CD38: variants seen among roughly 807,000 people sequenced by gnomAD.
CD38 encodes the protein ADP-ribosyl cyclase/cyclic ADP-ribose hydrolase 1.
CD38 carries 31 observed loss-of-function variants against 36.3 expected under a neutral mutation model. The observed-to-expected ratio is 0.85, with a 90% CI of 0.64 to 1.15. The LOEUF is 1.15. CD38 is among the 50% of genes most tolerant of loss of function. CD38 has a pLI of 0.00. For synonymous variants in CD38, 131 were observed against 135.2 expected (o/e 0.97, Z 0.22); for missense variants, 380 against 371.9 (o/e 1.02, Z -0.18).
At chr4:15,840,179 C>T in intron 6 of CD38, 61 bp downstream of exon 6, 1 of 1,195,108 alleles carries the variant, frequency 8.4e-7, no homozygotes, top group Non-Finnish European at 1.3e-6. Context: ...AAAGAATCCA[C>T]AGTCACAAGC....
chr4:15,826,485 A>G (rs1023716953), intron 3 of CD38, among the ~76,000 whole-genome samples: 1 of 152,012 alleles, frequency 6.6e-6, no homozygotes, highest in African/African-American at 2.4e-5. Flanking sequence ...ACACACACAC[A>G]CACACACACA....
intron 1 of CD38, among the ~76,000 whole-genome samples, chr4:15,779,452 C>A (rs1329536054): frequency 1.3e-5 from 2 of 152,190 alleles, no homozygotes; most frequent in African/African-American, 4.8e-5. Flanking sequence ...TCCCAGGCCT[C>A]GCTTTCACCG....
chr4:15,833,433 A>G (rs936975752), intron 3 of CD38, among the ~76,000 whole-genome samples: 7 of 152,208 alleles, frequency 4.6e-5, no homozygotes, highest in African/African-American at 1.7e-4. Context: ...CCATTCCACC[A>G]TCAACATTTT....
chr4:15,823,883 C>T (rs1229102396), intron 2 of CD38, among the ~76,000 whole-genome samples: 1 of 152,040 alleles, frequency 6.6e-6, no homozygotes, highest in Non-Finnish European at 1.5e-5. Flanking sequence ...TTCACAATAG[C>T]AAAGACATGG....
intron 7 of CD38, among the ~76,000 whole-genome samples, chr4:15,841,056 T>C (rs945538719): frequency 4.6e-5 from 7 of 152,174 alleles, no homozygotes. Context: ...AAAAAGTATT[T>C]ACAAAATTTT....
intron 1 of CD38, among the ~76,000 whole-genome samples, chr4:15,786,921 G>T (rs987083076): frequency 6.6e-6 from 1 of 152,246 alleles, no homozygotes; most frequent in Admixed American, 6.5e-5. Context: ...GGAGCGCAGC[G>T]CCAGTGGGCC....
rs76452411 is a variant in CD38 at position 15,832,299 on chromosome 4, T to C, written c.500-1918T>C. 2.4e-3 allele frequency among the ~76,000 whole-genome samples: 360 copies of C among 152,344 alleles called. 7 individuals are homozygous for C. The highest frequency in any genetic ancestry group is 7.4e-3 in the African/African-American group (307 of 41,582). On this transcript the variant is annotated intron_variant, in intron 3 of 7. Transcript: ENST00000226279. The stretch of plus-strand genomic sequence containing the variant: ...TTATTTAATTCATTTGGTGAGGTCA[T>C]GTATTCCTGGATGGTCTTGATACTT...
chr4:15,809,413 G>A (rs761324498), intron 1 of CD38, among the ~76,000 whole-genome samples: 5 of 152,160 alleles, frequency 3.3e-5, no homozygotes, highest in African/African-American at 4.8e-5. Context: ...TCTCATTTGC[G>A]AAATGAAGGG....
In CD38 at chr4:15,820,194, G is replaced by T. The variant is rs926627391; in HGVS notation, c.363+3554G>T. Among the ~76,000 whole-genome samples the T allele has an allele frequency of 5.3e-5, 8 of 152,172 alleles. No homozygotes were observed. The East Asian group carries it at 1.5e-3, about 29-fold the overall frequency. ...TGCCTTGCAAGAGCTCCTGAAGGAA[G>T]CACTAAATATGGAAAGGAAAAACCA... On this transcript the variant is annotated intron_variant, in intron 2 of 7. Transcript: ENST00000226279.
chr4:15,841,648 C>A (rs1384600547), intron 7 of CD38, among the ~76,000 whole-genome samples: 1 of 150,468 alleles, frequency 6.6e-6, no homozygotes, highest in Non-Finnish European at 1.5e-5. Context: ...ATCTGAGGTA[C>A]CGGGTTCATC....
chr4:15,810,594 A>T (rs1723446955), intron 1 of CD38, among the ~76,000 whole-genome samples: 1 of 152,230 alleles, frequency 6.6e-6, no homozygotes, highest in Admixed American at 6.5e-5. Flanking sequence ...TTTCATTGAC[A>T]TTGAAGTACA....
In CD38 at chr4:15,807,553, G is replaced by C. The variant is rs576262703; in HGVS notation, c.234-8958G>C. 2.5e-3 allele frequency among the ~76,000 whole-genome samples: 378 copies of C among 152,158 alleles called. 1 individual carries two copies. Among genetic ancestry groups the C allele is most frequent in the Non-Finnish European group, 4.4e-3 (298 of 68,020 alleles). ...CCAGGCCAGCTCCTGAGTGTCAGGG[G>C]GGGCTGCACTGCTTTGTCATTATCA... On this transcript the variant is annotated intron_variant, in intron 1 of 7. Transcript: ENST00000226279.
At chr4:15,829,515 A>T (rs1723918574) in intron 3 of CD38, among the ~76,000 whole-genome samples, 1 of 152,128 alleles carries the variant, frequency 6.6e-6, no homozygotes, top group Non-Finnish European at 1.5e-5. Context: ...ATCGCAAAAA[A>T]TCTCCTAATT....
At chr4:15,787,153 A>C (rs1722856484) in intron 1 of CD38, among the ~76,000 whole-genome samples, 1 of 152,236 alleles carries the variant, frequency 6.6e-6, no homozygotes, top group African/African-American at 2.4e-5. Context: ...AGGGTCTCCC[A>C]CAGTGCAGCT....
rs112737615 is a variant in CD38, at chr4:15,824,421, A to T, written c.364-460A>T. On this transcript the variant is annotated intron_variant, in intron 2 of 7. Coordinates refer to ENST00000226279, the MANE Select transcript of CD38 (RefSeq NM_001775.4). ...GAGGGACCCTTAAATTTAAAAATCT[A>T]TTGTATTTTTTTTTTAGTAGGGGTA... Among the ~76,000 whole-genome samples, 163 of 152,108 alleles carry T rather than the reference A, an allele frequency of 1.1e-3. 2 individuals are homozygous for T. The highest frequency in any genetic ancestry group is 3.8e-3 in the African/African-American group (157 of 41,504).
chr4:15,778,495 C>T lies in CD38; in HGVS notation c.81C>T (p.Gly27=), dbSNP rs1722605550. Reference sequence around the variant, plus strand: ...CTAGGAGAGCCCAACTCTGTCTTGGCGTCAGTATCCTGGTCCTGATCCTCG... The same window carrying T: ...CTAGGAGAGCCCAACTCTGTCTTGGTGTCAGTATCCTGGTCCTGATCCTCG... ...RLSRRAQLCL[G]VSILVLILVV... is the part of the protein sequence containing the mutation. The change falls in exon 1 of 8, where the codon GGC becomes GGT. Residue 27 remains glycine, a synonymous_variant. Transcript: ENST00000226279. The surrounding 1 kb of genome is among the most constrained non-coding windows in gnomAD (Gnocchi z 4.9). The T allele has an allele frequency of 6.2e-7, 1 of 1,613,826 alleles. No homozygotes were observed.
At chr4:15,805,178 T>C (rs1385262810) in intron 1 of CD38, among the ~76,000 whole-genome samples, 1 of 152,228 alleles carries the variant, frequency 6.6e-6, no homozygotes, top group East Asian at 1.9e-4. Flanking sequence ...TTTTATGACT[T>C]ACCTTTCCAT....
At chr4:15,787,232 C>T (rs1049520353) in intron 1 of CD38, among the ~76,000 whole-genome samples, 18 of 152,314 alleles carry the variant, frequency 1.2e-4, no homozygotes, top group Admixed American at 5.2e-4. Flanking sequence ...TGAGAGCGAG[C>T]GAGGGCCACC....
At chr4:15,810,156 C>A (rs1723439175) in intron 1 of CD38, among the ~76,000 whole-genome samples, 1 of 152,134 alleles carries the variant, frequency 6.6e-6, no homozygotes, top group African/African-American at 2.4e-5. Flanking sequence ...ACAAGGAATT[C>A]TGTTAAATTT....
Sources: gnomAD v4.1 joint callset for allele counts (sites outside exome capture counted in the v4.1 genomes callset) on GRCh38, gnomAD v4.1.1 for gene constraint, Gnocchi (gnomAD v3.1) non-coding constraint, MANE v1.5 for transcripts, NCBI Gene and HGNC (gene_info 2026-07-23, HGNC 2026-07-21) for gene names.